Variants in CPNE5 observed in about 807,000 individuals in gnomAD.
CPNE5 encodes the protein copine-5.
Under a neutral mutation model 81.1 loss-of-function variants are expected in CPNE5, and 42 were observed. The observed-to-expected ratio is 0.52, with a 90% CI of 0.40 to 0.67. The LOEUF is 0.67. CPNE5 is among the 30% of genes least tolerant of loss of function. The pLI is 0.00. For synonymous variants in CPNE5, 313 were observed against 321.5 expected, an observed-to-expected ratio of 0.97 and a Z score of 0.28; for missense variants, 612 against 815.5, an observed-to-expected ratio of 0.75 and a Z score of 3.04.
At chr6:36,831,337 C>G (rs754709066) in intron 1 of CPNE5, among the ~76,000 whole-genome samples, 10 of 151,746 alleles carry the variant, frequency 6.6e-5, no homozygotes, top group Non-Finnish European at 1.5e-5. Flanking sequence ...TTACAGGCTA[C>G]AGCCACCGCA....
At chr6:36,751,748 T>C (rs1764850486) in intron 14 of CPNE5, among the ~76,000 whole-genome samples, 1 of 152,068 alleles carries the variant, frequency 6.6e-6, no homozygotes, top group Admixed American at 6.5e-5. Context: ...TAAGCCGAGA[T>C]TGTGCCACTG....
intron 18 of CPNE5, among the ~76,000 whole-genome samples, 156 bp downstream of exon 18, chr6:36,744,891 CA>C (rs3833930): frequency 0.076 from 11,606 of 152,252 alleles, 580 homozygotes; most frequent in East Asian, 0.18. Context: ...TGGATGAGGG[CA>C]GTGGGGCCCA....
chr6:36,836,735 TCTC>T (rs1320526066), intron 1 of CPNE5, among the ~76,000 whole-genome samples: 7 of 152,174 alleles, frequency 4.6e-5, no homozygotes, highest in South Asian at 4.2e-4. Context: ...CCTGTGCTCC[TCTC>T]CTCCTCCTTT....
Position 36,745,519 on chromosome 6 carries a change from G to A in CPNE5, c.1201-4C>T, listed in dbSNP as rs1048042687. The A allele has an allele frequency of 1.2e-5, 19 of 1,598,052 alleles. No homozygotes were observed. Among genetic ancestry groups the A allele is most frequent in the Middle Eastern group, 1.7e-4 (1 of 6,054 alleles). Reference sequence around the variant, plus strand: ...AGGGGTTCTCCTGGTTGCCATTCTGGGGGACAGAGGGCAGGGAGGCTGAGC... The same window carrying A: ...AGGGGTTCTCCTGGTTGCCATTCTGAGGGACAGAGGGCAGGGAGGCTGAGC... On this transcript the variant is annotated splice_region_variant and splice_polypyrimidine_tract_variant and intron_variant, in intron 16 of 20. Transcript: ENST00000244751.
intron 4 of CPNE5, among the ~76,000 whole-genome samples, chr6:36,798,734 AG>A (rs143381860): frequency 7.2e-5 from 11 of 152,302 alleles, no homozygotes; most frequent in African/African-American, 2.6e-4. Flanking sequence ...ATCGTGGAGT[AG>A]GCACAAAGAT....
chr6:36,779,035 G>A (rs1767790267), intron 8 of CPNE5, 78 bp from the exon 9 acceptor site: 1 of 962,714 alleles, frequency 1.0e-6, no homozygotes, highest in Non-Finnish European at 1.7e-6. Context: ...CAAGCATGAG[G>A]AGTCCAGGCA....
rs150748634 is a variant in CPNE5 at position 36,753,130 on chromosome 6, C to T, written c.910-35G>A. On this transcript the variant is annotated intron_variant, in intron 13 of 20. Coordinates refer to ENST00000244751, the MANE Select transcript of CPNE5 (RefSeq NM_020939.2). ...AAAAGGGAGCTTGGTCAGTGGGGAG[C>T]CTGGGGTCAGGGGAGATGGGTTATG... 233 of 1,588,588 alleles carry T rather than the reference C, an allele frequency of 1.5e-4. 1 individual carries two copies. In the African/African-American group the frequency reaches 2.7e-3, roughly 19 times the overall value.
chr6:36,784,627 G>A (rs1372967356), intron 8 of CPNE5, among the ~76,000 whole-genome samples: 2 of 152,144 alleles, frequency 1.3e-5, no homozygotes, highest in African/African-American at 4.8e-5. Flanking sequence ...CCTGAGAGTC[G>A]TGCTCTCTGA....
chr6:36,795,054 G>A (rs1276848778), intron 6 of CPNE5, among the ~76,000 whole-genome samples: 1 of 152,130 alleles, frequency 6.6e-6, no homozygotes, highest in African/African-American at 2.4e-5. Flanking sequence ...GGAGACTGCT[G>A]GAAGAATCAC....
intron 10 of CPNE5, among the ~76,000 whole-genome samples, chr6:36,769,000 ATGTT>A (rs1358525328): frequency 6.6e-6 from 1 of 152,178 alleles, no homozygotes; most frequent in Non-Finnish European, 1.5e-5. Context: ...CGCTGGACAC[ATGTT>A]GCTCTGTTCC....
chr6:36,751,482 T>C (rs989657403), intron 14 of CPNE5, among the ~76,000 whole-genome samples: 1 of 152,130 alleles, frequency 6.6e-6, no homozygotes, highest in Non-Finnish European at 1.5e-5. Context: ...GGGGGTACTA[T>C]GCAAATGAAA....
intron 3 of CPNE5, among the ~76,000 whole-genome samples, chr6:36,804,941 C>T (rs1028175407): frequency 2.6e-5 from 4 of 152,116 alleles, no homozygotes; most frequent in East Asian, 1.9e-4. Flanking sequence ...CACAAACAAC[C>T]GCAAAATCCA....
chr6:36,771,683 C>T (rs1223658117), intron 10 of CPNE5, among the ~76,000 whole-genome samples: 3 of 152,102 alleles, frequency 2.0e-5, no homozygotes, highest in Non-Finnish European at 4.4e-5. Context: ...AAATCAACTA[C>T]GTTCTGTGAG....
chr6:36,798,297 C>A (rs1771943808), intron 5 of CPNE5, 56 bp from the exon 6 acceptor site: 1 of 1,553,154 alleles, frequency 6.4e-7, no homozygotes, highest in African/African-American at 1.4e-5. Context: ...CACAGCTATC[C>A]CACCTCCCCC....
At chr6:36,818,766 G>A (rs1283312635) in intron 3 of CPNE5, among the ~76,000 whole-genome samples, 1 of 152,168 alleles carries the variant, frequency 6.6e-6, no homozygotes, top group African/African-American at 2.4e-5. Context: ...ACTCCACCCT[G>A]CGGCGGGTGT....
At chr6:36,786,459 A>T (rs1768561047) in intron 8 of CPNE5, among the ~76,000 whole-genome samples, 1 of 152,154 alleles carries the variant, frequency 6.6e-6, no homozygotes, top group South Asian at 2.1e-4. Flanking sequence ...CAATCCAATC[A>T]GTTGTGCATC....
intron 1 of CPNE5, among the ~76,000 whole-genome samples, chr6:36,824,559 A>T (rs1772343120): frequency 1.3e-5 from 2 of 151,072 alleles, no homozygotes; most frequent in South Asian, 4.2e-4. Context: ...TACTCCCACA[A>T]CCCCCCACAG....
At chr6:36,829,863 A>C (rs1159296915) in intron 1 of CPNE5, among the ~76,000 whole-genome samples, 1 of 148,068 alleles carries the variant, frequency 6.8e-6, no homozygotes, top group Non-Finnish European at 1.5e-5. Flanking sequence ...AAAAAAAAAA[A>C]AAAAAATACC....
intron 3 of CPNE5, among the ~76,000 whole-genome samples, chr6:36,819,733 A>C (rs955377311): frequency 2.0e-5 from 3 of 151,992 alleles, no homozygotes; most frequent in Non-Finnish European, 4.4e-5. Flanking sequence ...ACAAGCCTGC[A>C]TCCTTCTGTT....
Sources: allele counts gnomAD v4.1 joint callset (sites outside exome capture counted in the v4.1 genomes callset), GRCh38; gene constraint gnomAD v4.1.1; transcripts MANE v1.5; gene names NCBI Gene and HGNC (gene_info 2026-07-23, HGNC 2026-07-21).